The following TRAPPC10 variants were observed in gnomAD, a reference collection of about 807,000 sequenced individuals.
TRAPPC10 encodes the protein trafficking protein particle complex subunit 10, also known as TRAPP 130 kDa subunit.
In TRAPPC10, 23 loss-of-function variants were observed where a neutral mutation model predicts 125.5. The ratio of observed to expected loss-of-function variants is 0.18; its 90% CI spans 0.13 to 0.26. The LOEUF (loss-of-function observed/expected upper bound fraction) is 0.26, where lower values mean the gene tolerates loss of function less well. Among genes scored for constraint, TRAPPC10 ranks in the 10% least tolerant of loss-of-function variants. The probability of loss-of-function intolerance (pLI) is 1.00; values close to 1 mark genes in which losing one functional copy is unlikely to be tolerated. For synonymous variants in TRAPPC10, 509 were observed against 518.0 expected (o/e 0.98, Z 0.24); for missense variants, 1,123 against 1,308.4 (o/e 0.86, Z 2.19).
chr21:44,083,207 C>T lies in TRAPPC10; in HGVS notation c.2143C>T (p.Pro715Ser), dbSNP rs755257738. 6.2e-7 allele frequency: 1 copy of T among 1,614,142 alleles called. No homozygotes were observed. Among genetic ancestry groups the T allele is most frequent in the Non-Finnish European group, 8.5e-7 (1 of 1,180,014 alleles). The change falls in exon 14 of 23, where the codon CCC becomes TCC. Residue 715 changes from proline to serine, a missense_variant. By Grantham distance (74) the Pro-to-Ser change is moderately conservative. Coordinates refer to ENST00000291574, the MANE Select transcript of TRAPPC10 (RefSeq NM_003274.5). The part of the protein sequence containing the change: ...RQESSSSLEM[P>S]SGVALEEGAH... Reference sequence around the variant, plus strand: ...GGAGAGCAGCTCCTCTCTAGAGATGCCCTCAGGGGTGGCTCTGGAGGAGGG... The same window carrying T: ...GGAGAGCAGCTCCTCTCTAGAGATGTCCTCAGGGGTGGCTCTGGAGGAGGG...
At position 44,059,097 on chromosome 21, in the gene TRAPPC10, G is replaced by T. The variant is rs373096378; in HGVS notation, c.679-6G>T. On this transcript the variant is annotated splice_region_variant and splice_polypyrimidine_tract_variant and intron_variant, in intron 5 of 22. Coordinates refer to ENST00000291574, the MANE Select transcript of TRAPPC10 (RefSeq NM_003274.5). This position sits in a 1 kb window ranked among gnomAD's most constrained non-coding sequence, Gnocchi z 4.4. ...TTTTTTTAAAAAACGTATCTTGGGC[G>T]AATAGGAGGAGCTTGCCTTTGTTTT... The T allele has an allele frequency of 2.1e-5, 33 of 1,579,644 alleles. 1 individual carries two copies. The South Asian group carries it at 3.6e-4, about 17-fold the overall frequency.
intron 13 of TRAPPC10, among the ~76,000 whole-genome samples, 153 bp downstream of exon 13, chr21:44,080,280 T>G (rs2037598367): frequency 6.6e-6 from 1 of 152,220 alleles, no homozygotes; most frequent in African/African-American, 2.4e-5. Context: ...GACTTTTTTT[T>G]TTATTTTTGC....
intron 12 of TRAPPC10, 124 bp downstream of exon 12, chr21:44,079,828 T>C (rs1200687203): frequency 3.5e-6 from 4 of 1,130,128 alleles, no homozygotes; most frequent in African/African-American, 3.2e-5. Context: ...TATACATATG[T>C]ATTGTATAGA....
At chr21:44,029,094 GTTGT>G (rs767064241) in intron 1 of TRAPPC10, among the ~76,000 whole-genome samples, 18 of 151,656 alleles carry the variant, frequency 1.2e-4, no homozygotes, top group Non-Finnish European at 1.8e-4. Flanking sequence ...CTTTTTTTTT[GTTGT>G]TTGTTTGTTT....
Position 44,027,667 on chromosome 21 carries a change from G to T in TRAPPC10, c.68-4424G>T, listed in dbSNP as rs192419805. On this transcript the variant is annotated intron_variant, in intron 1 of 22. Coordinates refer to ENST00000291574, the MANE Select transcript of TRAPPC10 (RefSeq NM_003274.5). ...GGTGAGTATGCGTGAAGTGCCGGGG[G>T]CATAGCAGGCGCACGGTGCTGTCTG... 1.3e-4 allele frequency among the ~76,000 whole-genome samples: 20 copies of T among 152,302 alleles called. No individual in the cohort carries two copies. The East Asian group carries it at 3.5e-3, about 26-fold the overall frequency.
chr21:44,084,182 T>C lies in TRAPPC10; in HGVS notation c.2299T>C (p.Phe767Leu). ...GTGCGCCTCGGTGGGCTCCGTGTGG[T>C]TCGTCCTCCCTCACATCTACCCCAT... ...QLCASVGSVW[F>L]VLPHIYPIVQ... The change falls in exon 15 of 23, where the codon TTC (phenylalanine) becomes CTC (leucine). Residue 767 changes from phenylalanine to leucine, a missense_variant. Around this residue, in one of 4 missense-constraint regions of TRAPPC10, gnomAD observed 840 missense variants for 902.0 expected, o/e 0.93. Coordinates refer to ENST00000291574, the MANE Select transcript of TRAPPC10 (RefSeq NM_003274.5). 1 of 1,614,194 alleles carries C rather than the reference T, an allele frequency of 6.2e-7. No homozygotes were observed. The highest frequency in any genetic ancestry group is 8.5e-7 in the Non-Finnish European group (1 of 1,180,042).
intron 3 of TRAPPC10, among the ~76,000 whole-genome samples, chr21:44,042,685 T>C (rs1486504224): frequency 6.6e-6 from 1 of 152,220 alleles, no homozygotes; most frequent in Non-Finnish European, 1.5e-5. Flanking sequence ...TTGAATTTTG[T>C]CCATTTGACC....
chr21:44,014,280 C>T (rs112460579), intron 1 of TRAPPC10, among the ~76,000 whole-genome samples: 5 of 152,008 alleles, frequency 3.3e-5, no homozygotes, highest in African/African-American at 7.3e-5. Flanking sequence ...TTTGTACATG[C>T]GTGCATCACG....
rs1211038080 is a variant in TRAPPC10, at chr21:44,082,948, T to C, written c.1884T>C (p.Asn628=). ...TTCACGTGGAGCAGATTGTGGTCAA[T>C]GTCCACTTCAGCATTGAGAAAAACA... ...VPVHVEQIVV[N]VHFSIEKNSY... The change falls in exon 14 of 23, where the codon AAT becomes AAC. Residue 628 remains asparagine (N), a synonymous_variant. Transcript: ENST00000291574. This position sits in a 1 kb window ranked among gnomAD's most constrained non-coding sequence, Gnocchi z 4.4. 6.2e-7 allele frequency: 1 copy of C among 1,613,976 alleles called. No individual in the cohort carries two copies. The highest frequency in any genetic ancestry group is 1.3e-5 in the African/African-American group (1 of 74,882).
intron 20 of TRAPPC10, among the ~76,000 whole-genome samples, chr21:44,094,989 A>G (rs745844428): frequency 1.3e-5 from 2 of 150,152 alleles, no homozygotes; most frequent in Admixed American, 6.6e-5. Flanking sequence ...AAAACCACAA[A>G]TTATTAAATA....
chr21:44,019,329 C>G (rs1297139250), intron 1 of TRAPPC10, among the ~76,000 whole-genome samples: 2 of 152,198 alleles, frequency 1.3e-5, no homozygotes, highest in East Asian at 3.8e-4. Context: ...GGATTACAGG[C>G]ATAAGCCACT....
intron 2 of TRAPPC10, among the ~76,000 whole-genome samples, chr21:44,036,823 T>C (rs1195893837): frequency 6.6e-6 from 1 of 152,154 alleles, no homozygotes; most frequent in African/African-American, 2.4e-5. Context: ...GAAGGGGAGA[T>C]AGACTTTAAC....
intron 1 of TRAPPC10, among the ~76,000 whole-genome samples, chr21:44,028,821 G>A (rs1231894485): frequency 2.0e-5 from 3 of 152,128 alleles, no homozygotes; most frequent in Non-Finnish European, 4.4e-5. Context: ...CTCAAGCCCC[G>A]TTTTGGCTCT....
intron 17 of TRAPPC10, chr21:44,088,972 T>C (rs1341224458): frequency 1.8e-5 from 3 of 170,806 alleles, no homozygotes; most frequent in African/African-American, 8.0e-5. Flanking sequence ...GTGTGCCGTG[T>C]TATCCTCTTT....
At chr21:44,056,002 T>C (rs1294897768) in intron 5 of TRAPPC10, 109 bp downstream of exon 5, 8 of 1,000,678 alleles carry the variant, frequency 8.0e-6, no homozygotes, top group South Asian at 5.0e-5. Context: ...GGTAATCTCA[T>C]TGGCAGAGTT....
At chr21:44,039,462 G>A (rs190073419) in intron 3 of TRAPPC10, among the ~76,000 whole-genome samples, 172 of 152,300 alleles carry the variant, frequency 1.1e-3, no homozygotes, top group African/African-American at 3.7e-3. Flanking sequence ...GGAGTCAGCC[G>A]CGTCTCCATG....
chr21:44,077,552 T>C, intron 10 of TRAPPC10, 141 bp from the exon 11 acceptor site: 1 of 538,772 alleles, frequency 1.9e-6, no homozygotes, highest in Non-Finnish European at 3.2e-6. Flanking sequence ...ACCGCTGTGC[T>C]CCAGCCTGGG....
chr21:44,018,259 GC>G (rs35954844), intron 1 of TRAPPC10, among the ~76,000 whole-genome samples: 1 of 151,926 alleles, frequency 6.6e-6, no homozygotes, highest in African/African-American at 2.4e-5. Flanking sequence ...AAAAAAGTTA[GC>G]CAGGTGTGGT....
intron 3 of TRAPPC10, among the ~76,000 whole-genome samples, chr21:44,039,129 A>T (rs1291889606): frequency 6.6e-6 from 1 of 152,190 alleles, no homozygotes; most frequent in Non-Finnish European, 1.5e-5. Context: ...GCGATCAGTA[A>T]TCTAACTCTG....
Sources: allele counts gnomAD v4.1 joint callset (sites outside exome capture counted in the v4.1 genomes callset), GRCh38; gene constraint gnomAD v4.1.1; regional missense constraint gnomAD v4.1.1; non-coding constraint Gnocchi (gnomAD v3.1); transcripts MANE v1.5; gene names NCBI Gene and HGNC (gene_info 2026-07-23, HGNC 2026-07-21).